Variants in FKBP3 observed in about 807,000 individuals in gnomAD.
FKBP3 encodes the protein FKBP prolyl isomerase 3, also known as peptidyl-prolyl cis-trans isomerase FKBP3.
A neutral mutation model predicts 30.6 loss-of-function variants in FKBP3; 21 were observed. That is an observed-to-expected ratio of 0.69 (90% confidence interval 0.49 to 0.99). FKBP3 has a LOEUF of 0.99. FKBP3 is among the 50% of genes least tolerant of loss of function. FKBP3 has a pLI of 0.00. For missense variants in FKBP3, 283 were observed against 261.6 expected (o/e 1.08, Z -0.56); for synonymous variants, 82 against 91.3 (o/e 0.90, Z 0.58).
At chr14:45,116,998 G>A (rs981486836) in intron 6 of FKBP3, among the ~76,000 whole-genome samples, 4 of 151,866 alleles carry the variant, frequency 2.6e-5, no homozygotes, top group Non-Finnish European at 5.9e-5. Flanking sequence ...CCGAGACAGA[G>A]CCTCACTCTT....
At chr14:45,118,207 T>C (rs1189099886) in intron 5 of FKBP3, 82 bp from the exon 6 acceptor site, 2 of 769,742 alleles carry the variant, frequency 2.6e-6, no homozygotes, top group Non-Finnish European at 4.3e-6. Flanking sequence ...CAAGATTGTA[T>C]GTTAAAACAA....
intron 3 of FKBP3, among the ~76,000 whole-genome samples, chr14:45,123,092 TAG>T (rs1885019839): frequency 6.7e-6 from 1 of 148,746 alleles, no homozygotes; most frequent in African/African-American, 2.5e-5. Context: ...ACTCGGGAGG[TAG>T]AGTCAGGAGA....
In FKBP3 at chr14:45,116,161, T is replaced by C. The variant is rs1258359185; in HGVS notation, c.*37A>G. The C allele has an allele frequency of 3.4e-6, 5 of 1,474,832 alleles. No individual in the cohort carries two copies. Among genetic ancestry groups the C allele is most frequent in the African/African-American group, 2.8e-5 (2 of 72,274 alleles). 91.4% of individuals were successfully genotyped at this position (1,474,832 alleles called of 1,614,324 possible). A position where few individuals can be genotyped will look rare whatever the true frequency, so the allele number is the denominator to read the frequency against. On this transcript the variant is annotated 3_prime_UTR_variant, in exon 7 of 7. Transcript: ENST00000396062. ...ATTTCTTCAAGGCCAAGTTTTATCATTGTTGCTAATATCCTTAGAGCTGAA... is the reference window on the plus strand; with the variant it reads ...ATTTCTTCAAGGCCAAGTTTTATCACTGTTGCTAATATCCTTAGAGCTGAA...
chr14:45,129,640 C>T (rs982194950), intron 3 of FKBP3, among the ~76,000 whole-genome samples, 154 bp downstream of exon 3: 1 of 152,078 alleles, frequency 6.6e-6, no homozygotes, highest in Admixed American at 6.5e-5. Context: ...CCCAGTACAC[C>T]TAAGGGAAAT....
chr14:45,121,007 G>T, intron 4 of FKBP3, 53 bp from the exon 5 acceptor site: 1 of 1,332,836 alleles, frequency 7.5e-7, no homozygotes, highest in Non-Finnish European at 1.1e-6. Context: ...TTATTATTAA[G>T]AAATTTCCAT....
chr14:45,117,264 G>T (rs929358338), intron 6 of FKBP3, among the ~76,000 whole-genome samples: 78 of 152,304 alleles, frequency 5.1e-4, no homozygotes, highest in African/African-American at 1.8e-3. Flanking sequence ...TAGCCATGGT[G>T]CCCAGCCTGT....
intron 5 of FKBP3, among the ~76,000 whole-genome samples, chr14:45,119,819 C>A (rs1884943101): frequency 6.6e-6 from 1 of 151,732 alleles, no homozygotes; most frequent in Non-Finnish European, 1.5e-5. Flanking sequence ...TCCCAAGTAG[C>A]TGGGACTACA....
At chr14:45,132,833 A>G (rs1594746476) in intron 1 of FKBP3, among the ~76,000 whole-genome samples, 2 of 152,190 alleles carry the variant, frequency 1.3e-5, no homozygotes, top group South Asian at 2.1e-4. Flanking sequence ...ACGATTCCAC[A>G]TGGCATGATT....
At chr14:45,129,550 C>T (rs1446133590) in intron 3 of FKBP3, among the ~76,000 whole-genome samples, 4 of 151,998 alleles carry the variant, frequency 2.6e-5, no homozygotes, top group African/African-American at 4.8e-5. Context: ...GATGTGGAGG[C>T]GATATTAAAT....
intron 4 of FKBP3, 122 bp from the exon 5 acceptor site, chr14:45,121,076 T>A: frequency 1.3e-6 from 1 of 793,772 alleles, no homozygotes; most frequent in Non-Finnish European, 2.0e-6. Context: ...ATTACAATAC[T>A]ATGTATTTTA....
At chr14:45,133,864 C>A (rs560195239) in intron 1 of FKBP3, among the ~76,000 whole-genome samples, 1 of 152,308 alleles carries the variant, frequency 6.6e-6, no homozygotes, top group Admixed American at 6.5e-5. Context: ...CCACAACCTA[C>A]GGATTTTTTA....
At chr14:45,133,729 T>C (rs1330062404) in intron 1 of FKBP3, among the ~76,000 whole-genome samples, 4 of 152,160 alleles carry the variant, frequency 2.6e-5, no homozygotes, top group African/African-American at 9.7e-5. Flanking sequence ...GCATTTCAAA[T>C]AAATTTCTTA....
rs749991179 is a variant in FKBP3, at chr14:45,121,545, G to A, written c.394C>T (p.His132Tyr). ...TNFPKKGDVV[H>Y]CWYTGTLQDG... Reference sequence around the variant, plus strand: ...TGTAGTGTTCCTGTATACCAGCAGTGAACAACATCTCCCTTTTTGGGAAAG... The same window carrying A: ...TGTAGTGTTCCTGTATACCAGCAGTAAACAACATCTCCCTTTTTGGGAAAG... Residue 132 changes from histidine to tyrosine, a missense_variant, in exon 4 of 7, where the codon CAC becomes TAC. His to Tyr is a moderately conservative substitution (Grantham distance 83, BLOSUM62 2). Transcript: ENST00000396062. 28 of 1,613,368 alleles carry A rather than the reference G, an allele frequency of 1.7e-5. No individual in the cohort carries two copies. The East Asian group carries it at 5.8e-4, about 33-fold the overall frequency.
rs149691854 is a variant in FKBP3, at chr14:45,128,962, A to G, written c.318+832T>C. On this transcript the variant is annotated intron_variant, in intron 3 of 6. Transcript: ENST00000396062. Reference sequence around the variant, plus strand: ...TAAATATTAATTGTGATAAACTTTAAAACTGCTTTGTGTGCACATATACCT... The same window carrying G: ...TAAATATTAATTGTGATAAACTTTAGAACTGCTTTGTGTGCACATATACCT... Among the ~76,000 whole-genome samples the G allele has an allele frequency of 1.6e-4, 25 of 152,360 alleles. No homozygotes were observed. In the East Asian group the frequency reaches 2.9e-3, roughly 18 times the overall value.
chr14:45,115,715 TC>T lies in FKBP3; in HGVS notation c.*482del, dbSNP rs1489784598. The T allele has an allele frequency of 6.5e-6, 1 of 152,736 alleles. No homozygotes were observed. The highest frequency in any genetic ancestry group is 2.4e-5 in the African/African-American group (1 of 41,464). 9.5% of individuals were successfully genotyped at this position (152,736 alleles called of 1,614,324 possible). A position where few individuals can be genotyped will look rare whatever the true frequency, so the allele number is the denominator to read the frequency against. ...CTTTTCTAAATTCAGGTCTTGATCT[TC>T]CTGCCAAGATTTTTCTGCTTTTAGC... On this transcript the variant is annotated 3_prime_UTR_variant, in exon 7 of 7. Coordinates refer to ENST00000396062, the MANE Select transcript of FKBP3 (RefSeq NM_002013.4).
At chr14:45,125,742 TC>T (rs1885081620) in intron 3 of FKBP3, among the ~76,000 whole-genome samples, 1 of 151,926 alleles carries the variant, frequency 6.6e-6, no homozygotes, top group South Asian at 2.1e-4. Context: ...TGGTAAAAAT[TC>T]CAGAGGAAGC....
At chr14:45,121,339 T>G in intron 4 of FKBP3, 146 bp downstream of exon 4, 1 of 648,482 alleles carries the variant, frequency 1.5e-6, no homozygotes. Flanking sequence ...ACTGAAGACC[T>G]CTTCCAAGTA....
chr14:45,117,709 C>G (rs572050634), intron 6 of FKBP3, among the ~76,000 whole-genome samples: 2 of 152,266 alleles, frequency 1.3e-5, no homozygotes, highest in South Asian at 2.1e-4. Context: ...ACAGTTTGTA[C>G]TGGGCATGGT....
At chr14:45,122,384 A>G (rs1270237155) in intron 3 of FKBP3, among the ~76,000 whole-genome samples, 1 of 152,196 alleles carries the variant, frequency 6.6e-6, no homozygotes, top group African/African-American at 2.4e-5. Flanking sequence ...CCAAATCTAT[A>G]TTTGGTTTCT....
Sources: allele counts gnomAD v4.1 joint callset (sites outside exome capture counted in the v4.1 genomes callset), GRCh38; gene constraint gnomAD v4.1.1; transcripts MANE v1.5; gene names NCBI Gene and HGNC (gene_info 2026-07-23, HGNC 2026-07-21).